PIEZO1: variants seen among roughly 807,000 people sequenced by gnomAD.
The protein encoded by PIEZO1 is piezo type mechanosensitive ion channel component 1 (Er blood group).
Under a neutral mutation model 297.2 loss-of-function variants are expected in PIEZO1, and 296 were observed. The ratio of observed to expected loss-of-function variants is 1.00; its 90% confidence interval spans 0.91 to 1.10. The LOEUF is 1.10. Ranked by LOEUF, PIEZO1 falls within the 50% of genes least tolerant of loss-of-function variation. The probability of loss-of-function intolerance (pLI) is 0.00; values close to 1 mark genes in which losing one functional copy is unlikely to be tolerated. For synonymous variants in PIEZO1, 2,427 were observed against 1,507.5 expected (o/e 1.61, Z -14.13); for missense variants, 5,018 against 3,455.5 (o/e 1.45, Z -11.34).
chr16:88,778,599 G>C (rs1048855196), intron 1 of PIEZO1, among the ~76,000 whole-genome samples: 12 of 152,336 alleles, frequency 7.9e-5, no homozygotes, highest in African/African-American at 2.9e-4. Context: ...CGGCAGGACA[G>C]CCGTCCACTG....
chr16:88,743,881 G>C, intron 2 of PIEZO1: 1 of 314,354 alleles, frequency 3.2e-6, no homozygotes. Context: ...TGGGAGGGGT[G>C]AGCAGCAGGG....
At chr16:88,734,325 C>G in intron 16 of PIEZO1, 31 bp downstream of exon 16, 1 of 1,483,834 alleles carries the variant, frequency 6.7e-7, no homozygotes, top group Non-Finnish European at 9.0e-7. Context: ...CTACACCTCT[C>G]CAGGGCCGGA....
intron 2 of PIEZO1, among the ~76,000 whole-genome samples, 180 bp from the exon 3 acceptor site, chr16:88,742,602 G>A (rs1184854948): frequency 6.6e-6 from 1 of 152,212 alleles, no homozygotes; most frequent in South Asian, 2.1e-4. Context: ...CGCCTCCCGA[G>A]GGTCACTCTT....
intron 19 of PIEZO1, chr16:88,733,011 C>T: frequency 1.7e-6 from 1 of 582,244 alleles, no homozygotes; most frequent in Non-Finnish European, 3.0e-6. Context: ...CTCTCCCTGT[C>T]CAGGGGTGGG....
chr16:88,782,313 C>T (rs888244017), intron 1 of PIEZO1, among the ~76,000 whole-genome samples: 2 of 152,106 alleles, frequency 1.3e-5, no homozygotes, highest in African/African-American at 4.8e-5. Flanking sequence ...GGGATCTCTA[C>T]GTTGCCCAGG....
Position 88,727,079 on chromosome 16 carries a change from G to C in PIEZO1, c.3415C>G (p.Arg1139Gly). ...GVNTDRLEPLRGEPNPVPNFI... is the reference protein window; with the variant it reads ...GVNTDRLEPLGGEPNPVPNFI... ...TTGGGCACGGGGTTGGGCTCCCCCCGCAGCGGCTCCAGGCGGTCGGTGTTG... is the reference window on the plus strand; with the variant it reads ...TTGGGCACGGGGTTGGGCTCCCCCCCCAGCGGCTCCAGGCGGTCGGTGTTG... Residue 1139 changes from arginine to glycine, a missense_variant, in exon 24 of 51, where the codon CGG (arginine) becomes GGG (glycine). By Grantham distance (125) the Arg-to-Gly change is moderately radical (BLOSUM62 -2). Transcript: ENST00000301015. The C allele has an allele frequency of 6.5e-7, 1 of 1,549,576 alleles. No individual in the cohort carries two copies. The highest frequency in any genetic ancestry group is 8.7e-7 in the Non-Finnish European group (1 of 1,146,394).
intron 1 of PIEZO1, among the ~76,000 whole-genome samples, chr16:88,784,005 A>C (rs1001914031): frequency 3.9e-5 from 6 of 152,232 alleles, no homozygotes; most frequent in African/African-American, 1.4e-4. Context: ...ACTGCTTCCC[A>C]GATCAATCAC....
rs1204813129 is a variant in PIEZO1 at position 88,716,188 on chromosome 16, C to A, written c.7129+10G>T. The A allele has an allele frequency of 3.3e-6, 5 of 1,507,198 alleles. No individual in the cohort carries two copies. Among genetic ancestry groups the A allele is most frequent in the East Asian group, 2.5e-5 (1 of 40,472 alleles). 93.4% of individuals were successfully genotyped at this position (1,507,198 alleles called of 1,614,324 possible). A position where few individuals can be genotyped will look rare whatever the true frequency, so the allele number is the denominator to read the frequency against. On this transcript the variant is annotated intron_variant, in intron 49 of 50. Coordinates refer to ENST00000301015, the MANE Select transcript of PIEZO1 (RefSeq NM_001142864.4). Reference sequence around the variant, plus strand: ...CTCTAGCCTCCCCCAACCCCCACGCCCATACTCACTGGGCTGCAGCTGCTT... The same window carrying A: ...CTCTAGCCTCCCCCAACCCCCACGCACATACTCACTGGGCTGCAGCTGCTT...
chr16:88,731,384 G>A (rs78752125), intron 22 of PIEZO1: 563 of 335,046 alleles, frequency 1.7e-3, no homozygotes, highest in Non-Finnish European at 2.6e-3. Flanking sequence ...GAGGCATCAC[G>A]GCCGACCCGC....
At chr16:88,781,379 C>T (rs775007515) in intron 1 of PIEZO1, among the ~76,000 whole-genome samples, 3 of 152,242 alleles carry the variant, frequency 2.0e-5, no homozygotes, top group Non-Finnish European at 4.4e-5. Context: ...GACGAGCACC[C>T]GCTGTGACCC....
In PIEZO1 at chr16:88,732,707, A is replaced by C; in HGVS notation, c.2690T>G (p.Leu897Arg). ...TEPFPNSTNLLPTEISQSLLY... is the reference protein window; with the variant it reads ...TEPFPNSTNLRPTEISQSLLY... ...CAGGGACTGGCTGATCTCCGTGGGC[A>C]GCAAGTTGGTGCTGTTGGGGAAGGG... The change falls in exon 20 of 51, where the codon CTG becomes CGG. Residue 897 changes from leucine to arginine, a missense_variant. By Grantham distance (102) the Leu-to-Arg change is moderately radical (BLOSUM62 -2). Coordinates refer to ENST00000301015, the MANE Select transcript of PIEZO1 (RefSeq NM_001142864.4). 1 of 1,548,764 alleles carries C rather than the reference A, an allele frequency of 6.5e-7. No homozygotes were observed. The highest frequency in any genetic ancestry group is 1.2e-5 in the South Asian group (1 of 83,962).
In PIEZO1 at chr16:88,717,546, G is replaced by A. The variant is rs118132092; in HGVS notation, c.6472-335C>T. ...ATGTGCCAAAATTTACCTCAAAGTG[G>A]ATCAAAGAGCGAAACTTCAGAGCTA... On this transcript the variant is annotated intron_variant, in intron 44 of 50. Coordinates refer to ENST00000301015, the MANE Select transcript of PIEZO1 (RefSeq NM_001142864.4). 9.1e-4 allele frequency: 462 copies of A among 507,312 alleles called. 1 individual carries two copies. The highest frequency in any genetic ancestry group is 2.0e-3 in the Middle Eastern group (6 of 3,030). The allele number at this position is 507,312 out of a possible 1,614,324, so 31.4% of individuals were successfully genotyped here. A position where few individuals can be genotyped will look rare whatever the true frequency, so the allele number is the denominator to read the frequency against.
rs968440995 is a variant in PIEZO1, at chr16:88,723,042, C to G, written c.4496-33G>C. The G allele has an allele frequency of 1.9e-6, 3 of 1,543,300 alleles. No individual in the cohort carries two copies. In the African/African-American group the frequency reaches 4.1e-5, roughly 21 times the overall value. ...AGGGCGGGAGGGGGCGCTGGAGGGG[C>G]AGCCTGTGGGGCCAAGAGAGACCTC... On this transcript the variant is annotated intron_variant, in intron 33 of 50. Coordinates refer to ENST00000301015, the MANE Select transcript of PIEZO1 (RefSeq NM_001142864.4).
At chr16:88,732,777 C>G (rs186094610) in intron 19 of PIEZO1, 45 bp from the exon 20 acceptor site, 3 of 1,491,062 alleles carry the variant, frequency 2.0e-6, no homozygotes, top group Non-Finnish European at 2.7e-6. Flanking sequence ...GGCCACAGTG[C>G]CCCCTGGCCC....
In PIEZO1 at chr16:88,715,546, C is replaced by T. The variant is rs1911931587; in HGVS notation, c.*59G>A. 6.6e-7 allele frequency: 1 copy of T among 1,504,054 alleles called. No homozygotes were observed. The highest frequency in any genetic ancestry group is 2.0e-5 in the Admixed American group (1 of 50,542). The allele number at this position is 1,504,054 out of a possible 1,614,324, so 93.2% of individuals were successfully genotyped here. Reference sequence around the variant, plus strand: ...TCCCCCGGCCTGAGGAGTGCCGCCCCTTGTGGCCACGCTGCCCAGCAGGCC... The same window carrying T: ...TCCCCCGGCCTGAGGAGTGCCGCCCTTTGTGGCCACGCTGCCCAGCAGGCC... On this transcript the variant is annotated 3_prime_UTR_variant, in exon 51 of 51. Transcript: ENST00000301015.
At chr16:88,760,055 G>T (rs753053488) in intron 1 of PIEZO1, among the ~76,000 whole-genome samples, 5 of 90,790 alleles carry the variant, frequency 5.5e-5, no homozygotes, top group African/African-American at 2.8e-4. Context: ...AGGCCCCAGC[G>T]GACGTGACAC....
intron 13 of PIEZO1, 26 bp downstream of exon 13, chr16:88,735,109 A>G: frequency 1.3e-6 from 2 of 1,546,014 alleles, no homozygotes; most frequent in Non-Finnish European, 1.7e-6. Flanking sequence ...CAGGAGGGCA[A>G]CCCCCGCCTC....
At chr16:88,752,891 TTCA>T (rs1468361288) in intron 1 of PIEZO1, among the ~76,000 whole-genome samples, 1 of 150,666 alleles carries the variant, frequency 6.6e-6, no homozygotes, top group Non-Finnish European at 1.5e-5. Context: ...CATTCATCCA[TTCA>T]TCCATTCATT....
In PIEZO1 at chr16:88,715,735, T is replaced by C. The variant is rs1488028173; in HGVS notation, c.7436A>G (p.Lys2479Arg). 3.2e-6 allele frequency: 5 copies of C among 1,550,372 alleles called. No individual in the cohort carries two copies. In the African/African-American group the frequency reaches 4.1e-5, roughly 13 times the overall value. The part of the protein sequence containing the change: ...EELPCVDRIL[K>R]LCQDIFLVRE... ...CACCAGGAAGATGTCCTGGCAGAGC[T>C]TGAGGATGCGGTCCACGCACGGCAG... The change falls in exon 51 of 51, where the codon AAG becomes AGG. Residue 2479 changes from lysine to arginine, a missense_variant. Coordinates refer to ENST00000301015, the MANE Select transcript of PIEZO1 (RefSeq NM_001142864.4).
Sources: gnomAD v4.1 joint callset for allele counts (sites outside exome capture counted in the v4.1 genomes callset) on GRCh38, gnomAD v4.1.1 for gene constraint, MANE v1.5 for transcripts, NCBI Gene and HGNC (gene_info 2026-07-23, HGNC 2026-07-21) for gene names.